FRMD4A: variants seen among roughly 807,000 people sequenced by gnomAD.
The protein encoded by FRMD4A is FERM domain containing 4A, also known as FERM domain-containing protein 4A.
FRMD4A carries 29 observed loss-of-function variants against 129.1 expected under a neutral mutation model. The observed-to-expected ratio is 0.22, with a 90% confidence interval of 0.17 to 0.31. The LOEUF is 0.31. FRMD4A is among the 10% of genes least tolerant of loss of function. The pLI is 1.00. For missense variants in FRMD4A, 1,272 were observed against 1,375.8 expected (o/e 0.92, Z 1.19); for synonymous variants, 634 against 571.6 (o/e 1.11, Z -1.56).
At chr10:14,112,987 AG>A (rs1394100343) in intron 2 of FRMD4A, among the ~76,000 whole-genome samples, 4 of 152,140 alleles carry the variant, frequency 2.6e-5, no homozygotes, top group African/African-American at 9.7e-5. Flanking sequence ...ACTCACTGAG[AG>A]GGCAGTCCTG....
chr10:13,753,986 A>T (rs1420828925), intron 8 of FRMD4A, among the ~76,000 whole-genome samples: 1 of 152,210 alleles, frequency 6.6e-6, no homozygotes, highest in East Asian at 1.9e-4. Context: ...ATTTAAGACA[A>T]ATTTAAAAAT....
At chr10:14,224,974 G>T (rs1191883705) in intron 2 of FRMD4A, among the ~76,000 whole-genome samples, 1 of 152,078 alleles carries the variant, frequency 6.6e-6, no homozygotes, top group Non-Finnish European at 1.5e-5. Flanking sequence ...AATGTGCTCT[G>T]CCCCCTCTCA....
chr10:14,293,281 C>T (rs1274703671), intron 2 of FRMD4A, among the ~76,000 whole-genome samples: 2 of 152,116 alleles, frequency 1.3e-5, no homozygotes, highest in Admixed American at 1.3e-4. Flanking sequence ...TACACTTGCA[C>T]TCTCTTGCCC....
At chr10:13,979,626 G>T (rs538253599) in intron 2 of FRMD4A, among the ~76,000 whole-genome samples, 1 of 152,158 alleles carries the variant, frequency 6.6e-6, no homozygotes, top group African/African-American at 2.4e-5. Flanking sequence ...CTCTTGACTC[G>T]TTGGGGGTAT....
rs540981485 is a variant in FRMD4A at position 13,863,413 on chromosome 10, C to A, written c.46-4501G>T. On this transcript the variant is annotated intron_variant, in intron 2 of 24. Transcript: ENST00000357447. ...CCTGGGCAACATGGCAAAACCCTGT[C>A]TCTACTAAAAATACAAAAAAAAAAA... Among the ~76,000 whole-genome samples, 4 of 132,152 alleles carry A rather than the reference C, an allele frequency of 3.0e-5. No individual in the cohort carries two copies. The East Asian group carries it at 9.1e-4, about 30-fold the overall frequency. 86.7% of individuals were successfully genotyped at this position (132,152 alleles called of 152,430 possible).
chr10:13,823,071 T>A (rs778526869), intron 3 of FRMD4A, among the ~76,000 whole-genome samples: 7 of 152,218 alleles, frequency 4.6e-5, no homozygotes, highest in Non-Finnish European at 8.8e-5. Context: ...CTGGTCCCTG[T>A]GTTCTCTGAA....
chr10:13,781,705 G>C (rs1046258866), intron 6 of FRMD4A, among the ~76,000 whole-genome samples: 1 of 152,120 alleles, frequency 6.6e-6, no homozygotes, highest in African/African-American at 2.4e-5. Flanking sequence ...AGGCCATTAT[G>C]CTAGGTAAAG....
At chr10:13,650,664 A>G (rs916744438) in intron 24 of FRMD4A, among the ~76,000 whole-genome samples, 1 of 152,150 alleles carries the variant, frequency 6.6e-6, no homozygotes, top group Non-Finnish European at 1.5e-5. Context: ...TCCAAAGCCT[A>G]AGTCCCTGTC....
chr10:14,138,553 G>A (rs1247340070), intron 2 of FRMD4A, among the ~76,000 whole-genome samples: 9 of 151,942 alleles, frequency 5.9e-5, no homozygotes, highest in African/African-American at 2.2e-4. Context: ...GAGGTCAAGA[G>A]ATTGAGACCA....
chr10:14,033,827 AAAAAAAGAAAAGAAAAG>A (rs1054186865), intron 2 of FRMD4A, among the ~76,000 whole-genome samples: 38 of 152,174 alleles, frequency 2.5e-4, no homozygotes, highest in African/African-American at 8.2e-4. Context: ...AAAAGAAAGA[AAAAAAAGAAAAGAAAAG>A]AAAAAAGAAA....
At chr10:14,039,431 TATATTGGAACCCCAAA>T (rs1833677550) in intron 2 of FRMD4A, among the ~76,000 whole-genome samples, 2 of 151,056 alleles carry the variant, frequency 1.3e-5, no homozygotes, top group African/African-American at 4.9e-5. Flanking sequence ...TCTATCTATC[TATATTGGAACCCCAAA>T]ATCAATCAAT....
At chr10:14,020,627 T>A (rs1031734903) in intron 2 of FRMD4A, among the ~76,000 whole-genome samples, 9 of 152,132 alleles carry the variant, frequency 5.9e-5, no homozygotes, top group African/African-American at 2.2e-4. Context: ...GCAATCTCCC[T>A]GACTCCTCTG....
At chr10:14,226,586 T>A (rs1843444246) in intron 2 of FRMD4A, among the ~76,000 whole-genome samples, 2 of 152,156 alleles carry the variant, frequency 1.3e-5, no homozygotes, top group Admixed American at 6.5e-5. Context: ...TAGATGGCCA[T>A]CTTCTCCCTG....
Position 13,656,934 on chromosome 10 carries a change from G to A in FRMD4A, c.2655C>T (p.Gly885=), listed in dbSNP as rs773144615. 6.0e-6 allele frequency: 9 copies of A among 1,505,990 alleles called. No individual in the cohort carries two copies. In the South Asian group the frequency reaches 6.1e-5, roughly 10 times the overall value. 93.3% of individuals were successfully genotyped at this position (1,505,990 alleles called of 1,614,324 possible). The change falls in exon 22 of 25, where the codon GGC becomes GGT. Residue 885 remains glycine (G), a synonymous_variant. Transcript: ENST00000357447. ...CCGTGTCGCCCTCGTCGCCGCCGCC[G>A]CCGCGCCAGCTCTCCTTGAACAGGC... ...AGGLFKESWR[G]GGGDEGDTGR...
chr10:14,122,326 T>C (rs1163971839), intron 2 of FRMD4A, among the ~76,000 whole-genome samples: 1 of 152,104 alleles, frequency 6.6e-6, no homozygotes, highest in Non-Finnish European at 1.5e-5. Context: ...GCTCACAAGG[T>C]TTTTTTTATA....
intron 2 of FRMD4A, among the ~76,000 whole-genome samples, chr10:14,220,213 C>T (rs1843204229): frequency 1.3e-5 from 2 of 152,206 alleles, no homozygotes; most frequent in Admixed American, 6.5e-5. Flanking sequence ...CTCAAAGGGG[C>T]TCCCACACAC....
chr10:13,888,963 C>G (rs998795562), intron 2 of FRMD4A, among the ~76,000 whole-genome samples: 1 of 152,210 alleles, frequency 6.6e-6, no homozygotes, highest in Non-Finnish European at 1.5e-5. Context: ...TACTTTCATT[C>G]AGTATGATGC....
In FRMD4A at chr10:14,026,151, G is replaced by A. The variant is rs1321172605; in HGVS notation, c.46-167239C>T. On this transcript the variant is annotated intron_variant, in intron 2 of 24. Transcript: ENST00000357447. ...CAAAGAAGGTGGGCCTCATGAGATC[G>A]AGAGGGAAATATAAATATAACATTT... Among the ~76,000 whole-genome samples, 5 of 152,104 alleles carry A rather than the reference G, an allele frequency of 3.3e-5. No individual in the cohort carries two copies. In the East Asian group the frequency reaches 5.8e-4, roughly 18 times the overall value.
chr10:14,141,959 G>A (rs973371226), intron 2 of FRMD4A, among the ~76,000 whole-genome samples: 2 of 152,030 alleles, frequency 1.3e-5, no homozygotes, highest in African/African-American at 4.8e-5. Context: ...TTTCCCTTTA[G>A]GCATCCGAAA....
Sources: allele counts gnomAD v4.1 joint callset (sites outside exome capture counted in the v4.1 genomes callset), GRCh38; gene constraint gnomAD v4.1.1; transcripts MANE v1.5; gene names NCBI Gene and HGNC (gene_info 2026-07-23, HGNC 2026-07-21).